The following ZNF846 variants were observed in gnomAD, a reference collection of about 807,000 sequenced individuals.
The protein encoded by ZNF846 is zinc finger protein 420 pseudogene.
ZNF846 carries 15 observed loss-of-function variants against 16.0 expected under a neutral mutation model. The observed-to-expected ratio is 0.94, with a 90% CI of 0.63 to 1.45. The LOEUF is 1.45. ZNF846 is among the 40% of genes most tolerant of loss of function. ZNF846 has a pLI of 0.00. For missense variants in ZNF846, 714 were observed against 622.3 expected (o/e 1.15, Z -1.57); for synonymous variants, 229 against 212.0 (o/e 1.08, Z -0.70).
At chr19:9,759,337 C>A (rs560223049) in intron 5 of ZNF846, among the ~76,000 whole-genome samples, 8 of 150,764 alleles carry the variant, frequency 5.3e-5, no homozygotes, top group Non-Finnish European at 1.2e-4. Flanking sequence ...CACAGTGGCT[C>A]ATGACTGTAA....
chr19:9,771,760 C>A (rs955809279), upstream of ZNF846, among the ~76,000 whole-genome samples: 1 of 151,584 alleles, frequency 6.6e-6, no homozygotes, highest in Non-Finnish European at 1.5e-5. Flanking sequence ...CATGTGTGTG[C>A]AAGTGTCCTT....
chr19:9,783,159 C>T (rs1258508218), intron 1 of ZNF846, among the ~76,000 whole-genome samples: 1 of 151,486 alleles, frequency 6.6e-6, no homozygotes, highest in African/African-American at 2.4e-5. Flanking sequence ...TTGAGCCACC[C>T]CTTGGCCTCC....
intron 1 of ZNF846, among the ~76,000 whole-genome samples, chr19:9,776,208 G>A (rs115004705): frequency 0.037 from 5,635 of 152,186 alleles, 359 homozygotes; most frequent in African/African-American, 0.13. Context: ...CCTTTTCCCC[G>A]GGGGGGTTTA....
intron 1 of ZNF846, among the ~76,000 whole-genome samples, chr19:9,766,236 A>G (rs11883034): frequency 0.012 from 1,840 of 151,886 alleles, 36 homozygotes; most frequent in African/African-American, 0.042. Context: ...CCTGGTCAAC[A>G]TGGTGAAACC....
chr19:9,764,902 T>A (rs115413575), intron 2 of ZNF846, 34 bp downstream of exon 2: 1 of 1,613,398 alleles, frequency 6.2e-7, no homozygotes. Flanking sequence ...GCTACAAGCA[T>A]AACATTTTGA....
At chr19:9,757,599 A>G (rs1314380218) in exon 6 of ZNF846, 3 of 1,613,646 alleles carry the variant, frequency 1.9e-6, no homozygotes, top group Admixed American at 3.3e-5. Flanking sequence ...GTGAACGTTA[A>G]GGTATGTGGA....
downstream of ZNF846, among the ~76,000 whole-genome samples, chr19:9,754,785 AT>A (rs1311494309): frequency 6.7e-6 from 1 of 149,184 alleles, no homozygotes; most frequent in Non-Finnish European, 1.5e-5. Flanking sequence ...TTTTTTGTTG[AT>A]TTGTTTTTTT....
downstream of ZNF846, chr19:9,752,139 C>T (rs964474): frequency 0.023 from 3,524 of 153,068 alleles, 84 homozygotes; most frequent in Admixed American, 0.031. Context: ...GACTAATACA[C>T]GTGACTATTT....
chr19:9,777,668 C>CAAA (rs57809806), intron 1 of ZNF846, among the ~76,000 whole-genome samples: 1 of 143,746 alleles, frequency 7.0e-6, no homozygotes, highest in Non-Finnish European at 1.5e-5. Context: ...AGACTCTGTC[C>CAAA]AAAAAAAAAA....
downstream of ZNF846, among the ~76,000 whole-genome samples, chr19:9,757,268 C>G (rs568394591): frequency 1.3e-4 from 19 of 151,174 alleles, 1 homozygote; most frequent in Admixed American, 3.3e-4. Context: ...CCAGATTTTT[C>G]TCCCAAAGGT....
At chr19:9,772,920 A>G (rs1027355123), upstream of ZNF846, among the ~76,000 whole-genome samples, 2 of 152,080 alleles carry the variant, frequency 1.3e-5, no homozygotes, top group African/African-American at 4.8e-5. Flanking sequence ...TACAAAAAAG[A>G]CAAAAATTAG....
At chr19:9,769,574 G>T (rs1435171930), upstream of ZNF846, among the ~76,000 whole-genome samples, 3 of 151,950 alleles carry the variant, frequency 2.0e-5, no homozygotes, top group Non-Finnish European at 2.9e-5. Context: ...TCAACCCTCT[G>T]CAGGGATATA....
chr19:9,748,631 C>T (rs1331701526), downstream of ZNF846, among the ~76,000 whole-genome samples: 2 of 152,066 alleles, frequency 1.3e-5, no homozygotes, highest in African/African-American at 4.8e-5. Context: ...CTATTTTGTT[C>T]CATTGGTCTA....
At chr19:9,750,658 AAG>A (rs1267302536), downstream of ZNF846, among the ~76,000 whole-genome samples, 1 of 152,168 alleles carries the variant, frequency 6.6e-6, no homozygotes, top group Admixed American at 6.5e-5. Context: ...CATGACAAAA[AAG>A]AGTCATCCCA....
intron 1 of ZNF846, among the ~76,000 whole-genome samples, chr19:9,776,169 G>A (rs1037359508): frequency 9.9e-5 from 15 of 152,154 alleles, no homozygotes; most frequent in Non-Finnish European, 1.9e-4. Flanking sequence ...AACAACACCC[G>A]CTACTTAGCA....
chr19:9,785,782 A>C (rs1190368221), intron 1 of ZNF846: 1 of 24,536 alleles, frequency 4.1e-5, no homozygotes, highest in Non-Finnish European at 7.2e-5. Flanking sequence ...CCTTGCCCCC[A>C]TCTCCCCCTC....
At chr19:9,767,992 T>A (rs2045344239) in intron 1 of ZNF846, among the ~76,000 whole-genome samples, 1 of 152,154 alleles carries the variant, frequency 6.6e-6, no homozygotes. Flanking sequence ...CTTTCACAGT[T>A]AATACAACTG....
At chr19:9,780,612 GC>G (rs1229223208) in intron 1 of ZNF846, among the ~76,000 whole-genome samples, 1 of 151,952 alleles carries the variant, frequency 6.6e-6, no homozygotes, top group Non-Finnish European at 1.5e-5. Flanking sequence ...ATCATGCCCG[GC>G]TAATTTTTGT....
downstream of ZNF846, among the ~76,000 whole-genome samples, chr19:9,754,899 C>T (rs538843882): frequency 4.3e-4 from 64 of 150,494 alleles, 2 homozygotes; most frequent in Admixed American, 4.2e-3. Flanking sequence ...GAGTATCACT[C>T]TTGTTGCCCA....
Sources: gnomAD v4.1 joint callset for allele counts (sites outside exome capture counted in the v4.1 genomes callset) on GRCh38, gnomAD v4.1.1 for gene constraint, MANE v1.5 for transcripts, NCBI Gene and HGNC (gene_info 2026-07-23, HGNC 2026-07-21) for gene names.